The following CTBP2 variants were observed in gnomAD, a reference collection of about 807,000 sequenced individuals.
CTBP2 encodes C-terminal-binding protein 2.
In CTBP2, 30 loss-of-function variants were observed where a neutral mutation model predicts 80.3. That is an observed-to-expected ratio of 0.37 (90% CI 0.28 to 0.51). The LOEUF (loss-of-function observed/expected upper bound fraction) is 0.51. CTBP2 is among the 20% of genes least tolerant of loss of function. The pLI is 0.93. For missense variants in CTBP2, 1,212 were observed against 1,375.3 expected, an observed-to-expected ratio of 0.88 and a Z score of 1.88; for synonymous variants, 594 against 587.4, an observed-to-expected ratio of 1.01 and a Z score of -0.16.
intron 2 of CTBP2, among the ~76,000 whole-genome samples, chr10:125,067,278 C>T (rs1844791984): frequency 6.6e-6 from 1 of 152,078 alleles, no homozygotes; most frequent in African/African-American, 2.4e-5. Context: ...GTGAAACTGC[C>T]ACCGCCATGT....
chr10:124,998,232 G>A, intron 3 of CTBP2, 62 bp from the exon 6 acceptor site: 6 of 1,535,476 alleles, frequency 3.9e-6, no homozygotes, highest in Non-Finnish European at 5.3e-6. Flanking sequence ...GGAAGCCCCA[G>A]GGCTCCCAGC....
intron 1 of CTBP2, chr10:125,137,936 A>AGTCTTTT (rs1857208278): frequency 1.3e-5 from 2 of 152,254 alleles, no homozygotes; most frequent in Non-Finnish European, 2.9e-5. Context: ...GATGCAGAGA[A>AGTCTTTT]GACCCCAGGG....
chr10:125,126,058 G>A (rs773362346), intron 1 of CTBP2, among the ~76,000 whole-genome samples: 9 of 152,222 alleles, frequency 5.9e-5, no homozygotes, highest in South Asian at 2.1e-4. Context: ...CTGAGGTTGC[G>A]GGAAGGCAAG....
At chr10:125,088,008 T>C (rs1848246182) in intron 2 of CTBP2, among the ~76,000 whole-genome samples, 1 of 152,108 alleles carries the variant, frequency 6.6e-6, no homozygotes, top group Non-Finnish European at 1.5e-5. Context: ...TCCCACCTCC[T>C]TCGGTGAGCT....
At chr10:125,017,159 TAAC>T (rs1173391930) in intron 1 of CTBP2, among the ~76,000 whole-genome samples, 1 of 152,130 alleles carries the variant, frequency 6.6e-6, no homozygotes, top group Non-Finnish European at 1.5e-5. Context: ...AAGAAGAGCT[TAAC>T]AACTTCAACC....
chr10:125,073,086 A>G (rs1178269974), intron 2 of CTBP2, among the ~76,000 whole-genome samples: 1 of 152,246 alleles, frequency 6.6e-6, no homozygotes, highest in East Asian at 1.9e-4. Flanking sequence ...GGCTCGCCCA[A>G]GTCTTCAGAT....
At chr10:125,135,527 C>A (rs933749965) in intron 1 of CTBP2, among the ~76,000 whole-genome samples, 4 of 152,170 alleles carry the variant, frequency 2.6e-5, no homozygotes, top group African/African-American at 9.7e-5. Flanking sequence ...CCAGCTTTGT[C>A]TCCTAGGCAA....
intron 1 of CTBP2, among the ~76,000 whole-genome samples, chr10:125,008,102 A>G (rs981664146): frequency 2.2e-4 from 34 of 152,102 alleles, no homozygotes; most frequent in African/African-American, 8.0e-4. Context: ...ATGTGCCACC[A>G]TGCCTGGCTA....
chr10:125,024,955 T>C (rs1957393992), intron 1 of CTBP2, among the ~76,000 whole-genome samples: 1 of 152,074 alleles, frequency 6.6e-6, no homozygotes, highest in Non-Finnish European at 1.5e-5. Flanking sequence ...AAATGCAAAA[T>C]GCCTGGAGGT....
intron 1 of CTBP2, among the ~76,000 whole-genome samples, chr10:125,005,099 A>G (rs1283310696): frequency 6.6e-6 from 1 of 152,158 alleles, no homozygotes; most frequent in African/African-American, 2.4e-5. Flanking sequence ...GCATCCTGTT[A>G]AGACTATACA....
chr10:125,040,818 G>A (rs759145440), intron 2 of CTBP2, among the ~76,000 whole-genome samples: 2 of 152,180 alleles, frequency 1.3e-5, no homozygotes, highest in South Asian at 2.1e-4. Flanking sequence ...TCCCAGCAAC[G>A]AAGCTGAAAA....
intron 2 of CTBP2, among the ~76,000 whole-genome samples, chr10:125,096,080 G>A (rs1187991973): frequency 3.3e-5 from 5 of 152,132 alleles, no homozygotes; most frequent in African/African-American, 1.2e-4. Context: ...TAATACTTAG[G>A]GGGTTATTCT....
At chr10:125,055,381 C>T (rs140167364) in intron 2 of CTBP2, among the ~76,000 whole-genome samples, 184 of 152,330 alleles carry the variant, frequency 1.2e-3, no homozygotes, top group African/African-American at 4.1e-3. Context: ...GCCATGCCCT[C>T]ATGTGCCCAG....
intron 1 of CTBP2, among the ~76,000 whole-genome samples, chr10:125,011,877 C>A (rs1472987187): frequency 6.6e-6 from 1 of 152,250 alleles, no homozygotes; most frequent in African/African-American, 2.4e-5. Flanking sequence ...AGCCCAGACA[C>A]CGTCCTGTTG....
intron 1 of CTBP2, among the ~76,000 whole-genome samples, chr10:125,128,963 G>T (rs917593399): frequency 6.6e-6 from 1 of 152,178 alleles, no homozygotes; most frequent in Non-Finnish European, 1.5e-5. Context: ...ATACTACTCA[G>T]AAGTAAAAAG....
At chr10:125,130,069 C>A (rs1564992504) in intron 1 of CTBP2, among the ~76,000 whole-genome samples, 1 of 145,776 alleles carries the variant, frequency 6.9e-6, no homozygotes, top group Non-Finnish European at 1.5e-5. Flanking sequence ...TCTTTTGAGA[C>A]AGAGTTTCAC....
intron 2 of CTBP2, among the ~76,000 whole-genome samples, chr10:125,109,671 G>A (rs1372557210): frequency 2.6e-5 from 4 of 152,124 alleles, no homozygotes; most frequent in African/African-American, 4.8e-5. Context: ...AACTCAACTC[G>A]AGCTTCACGC....
intron 2 of CTBP2, among the ~76,000 whole-genome samples, chr10:125,093,235 T>C (rs1313134479): frequency 1.3e-5 from 2 of 152,212 alleles, no homozygotes; most frequent in Non-Finnish European, 2.9e-5. Context: ...TTAAGTTTTC[T>C]ACTCCAGCAA....
chr10:125,084,640 C>G (rs1002200235), intron 2 of CTBP2, among the ~76,000 whole-genome samples: 1 of 152,180 alleles, frequency 6.6e-6, no homozygotes, highest in Non-Finnish European at 1.5e-5. Context: ...GGTTTCCAGA[C>G]CAGTGAAGCA....
Sources: gnomAD v4.1 joint callset for allele counts (sites outside exome capture counted in the v4.1 genomes callset) on GRCh38, gnomAD v4.1.1 for gene constraint, MANE v1.5 for transcripts, NCBI Gene and HGNC (gene_info 2026-07-23, HGNC 2026-07-21) for gene names.